FANCI: variants seen among roughly 807,000 people sequenced by gnomAD.
FANCI encodes the protein FA complementation group I, also known as Fanconi anemia group I protein.
Under a neutral mutation model 176.1 loss-of-function variants are expected in FANCI, and 156 were observed. The ratio of observed to expected loss-of-function variants is 0.89; its 90% CI spans 0.78 to 1.01. FANCI has a LOEUF of 1.01. Ranked by LOEUF, FANCI falls within the 50% of genes least tolerant of loss-of-function variation. The probability of loss-of-function intolerance (pLI) is 0.00; values close to 1 mark genes in which losing one functional copy is unlikely to be tolerated. For synonymous variants in FANCI, 613 were observed against 541.7 expected (o/e 1.13, Z -1.83); for missense variants, 1,678 against 1,534.1 (o/e 1.09, Z -1.57).
intron 24 of FANCI, among the ~76,000 whole-genome samples, chr15:89,297,398 G>T (rs2054340084): frequency 6.6e-6 from 1 of 151,328 alleles, no homozygotes; most frequent in Non-Finnish European, 1.5e-5. Flanking sequence ...ACTTTGGGAG[G>T]CCAAGGCAGG....
At chr15:89,253,599 A>G (rs1353127701) in intron 2 of FANCI, among the ~76,000 whole-genome samples, 1 of 152,152 alleles carries the variant, frequency 6.6e-6, no homozygotes, top group Admixed American at 6.5e-5. Flanking sequence ...CAGTGCAGTG[A>G]AAAGCTTTCT....
At chr15:89,313,973 T>TCTCACACACA (rs1491452047) in intron 35 of FANCI, among the ~76,000 whole-genome samples, 2 of 98,286 alleles carry the variant, frequency 2.0e-5, no homozygotes, top group African/African-American at 8.6e-5. Flanking sequence ...AGATATATAA[T>TCTCACACACA]CACACACACA....
intron 2 of FANCI, among the ~76,000 whole-genome samples, chr15:89,253,713 T>C (rs1334431273): frequency 7.2e-6 from 1 of 139,514 alleles, no homozygotes; most frequent in Admixed American, 7.7e-5. Context: ...AAAAGACAAA[T>C]GGCAAACTGG....
At chr15:89,276,993 G>A in intron 13 of FANCI, 102 bp downstream of exon 13, 1 of 1,182,538 alleles carries the variant, frequency 8.5e-7, no homozygotes, top group South Asian at 1.2e-5. Flanking sequence ...ATTTGAGTAT[G>A]TATTAGTTTG....
intron 24 of FANCI, among the ~76,000 whole-genome samples, chr15:89,298,892 G>A (rs10451019): frequency 0.49 from 74,023 of 152,012 alleles, 18,298 homozygotes; most frequent in African/African-American, 0.56. Flanking sequence ...CAACCTGGCC[G>A]GGCGTGGTAG....
chr15:89,311,351 A>G (rs1278978618), intron 34 of FANCI, among the ~76,000 whole-genome samples: 1 of 151,944 alleles, frequency 6.6e-6, no homozygotes, highest in African/African-American at 2.4e-5. Context: ...CCTGGGAGGC[A>G]GAGGTTGCAG....
At chr15:89,254,769 G>A (rs1343379202) in intron 2 of FANCI, among the ~76,000 whole-genome samples, 2 of 152,206 alleles carry the variant, frequency 1.3e-5, no homozygotes, top group Non-Finnish European at 2.9e-5. Flanking sequence ...CTATGACTGT[G>A]CCACTGCAGT....
At chr15:89,263,837 G>A in intron 7 of FANCI, 66 bp from the exon 8 acceptor site, 1 of 1,594,154 alleles carries the variant, frequency 6.3e-7, no homozygotes, top group Non-Finnish European at 8.6e-7. Flanking sequence ...GTAAAGCCCT[G>A]AATTGAATTT....
At chr15:89,301,780 C>T (rs2054533184) in intron 27 of FANCI, among the ~76,000 whole-genome samples, 1 of 152,170 alleles carries the variant, frequency 6.6e-6, no homozygotes, top group Non-Finnish European at 1.5e-5. Context: ...TTGGTGTTTA[C>T]TTCTTTTCTA....
At chr15:89,271,823 A>C (rs1218807285) in intron 10 of FANCI, among the ~76,000 whole-genome samples, 3 of 152,066 alleles carry the variant, frequency 2.0e-5, no homozygotes, top group Non-Finnish European at 4.4e-5. Context: ...CATTGTGTGG[A>C]TATATATGAG....
chr15:89,249,159 AG>A (rs776718418), intron 2 of FANCI, among the ~76,000 whole-genome samples: 1 of 152,204 alleles, frequency 6.6e-6, no homozygotes, highest in African/African-American at 2.4e-5. Flanking sequence ...TAAGCATGTC[AG>A]TAATATATGC....
intron 10 of FANCI, among the ~76,000 whole-genome samples, chr15:89,272,867 A>T (rs1385902270): frequency 1.3e-5 from 2 of 152,054 alleles, no homozygotes; most frequent in Non-Finnish European, 2.9e-5. Flanking sequence ...GGGTTTCACC[A>T]TGTTGGCCAG....
At chr15:89,248,040 A>G (rs2052068214) in intron 2 of FANCI, among the ~76,000 whole-genome samples, 1 of 152,234 alleles carries the variant, frequency 6.6e-6, no homozygotes. Flanking sequence ...ATCCTATTTG[A>G]TGATAATATC....
intron 14 of FANCI, 72 bp downstream of exon 14, chr15:89,278,846 T>C (rs1389791665): frequency 1.5e-6 from 2 of 1,319,776 alleles, no homozygotes; most frequent in Non-Finnish European, 2.2e-6. Context: ...CATTTGGTCC[T>C]GGGAAAAAAA....
chr15:89,303,862 A>T lies in FANCI; in HGVS notation c.3007-2A>T. 1 of 1,613,422 alleles carries T rather than the reference A, an allele frequency of 6.2e-7. No individual in the cohort carries two copies. Among genetic ancestry groups the T allele is most frequent in the South Asian group, 1.1e-5 (1 of 91,052 alleles). On this transcript the variant is annotated splice_acceptor_variant, in intron 27 of 37. Transcript: ENST00000310775. LOFTEE classifies it high-confidence loss of function. ...TTAATATCTGAATGATCTCTAATTT[A>T]GTTTGTGCAGATGTTATCCTGGACA...
In FANCI at chr15:89,264,796, T is replaced by C. The variant is rs1291340357; in HGVS notation, c.755+189T>C. The stretch of plus-strand genomic sequence containing the variant: ...CTCTTCAGCTCTTTCATTTTCACCT[T>C]TCCAGGAAAATAATTGTCCTATAAG... On this transcript the variant is annotated intron_variant, in intron 9 of 37. Coordinates refer to ENST00000310775, the MANE Select transcript of FANCI (RefSeq NM_001113378.2). 6 of 533,470 alleles carry C rather than the reference T, an allele frequency of 1.1e-5. No homozygotes were observed. The African/African-American group carries it at 1.2e-4, about 10-fold the overall frequency. 33.0% of individuals were successfully genotyped at this position (533,470 alleles called of 1,614,324 possible).
At position 89,274,213 on chromosome 15, in the gene FANCI, C is replaced by A. The variant is rs765192187; in HGVS notation, c.1021C>A (p.Leu341Ile). 1.9e-6 allele frequency: 3 copies of A among 1,603,970 alleles called. No homozygotes were observed. The African/African-American group carries it at 4.0e-5, about 21-fold the overall frequency. The change falls in exon 12 of 38, where the codon CTT (leucine) becomes ATT (isoleucine). Residue 341 changes from leucine to isoleucine, a missense_variant. Physicochemically the swap from Leu to Ile is conservative, Grantham distance 5. Coordinates refer to ENST00000310775, the MANE Select transcript of FANCI (RefSeq NM_001113378.2). ...TTCGGTTGTAAAGAGCTTTAAGGAT[C>A]TTCAACTCCTCCAAGGCTCAAAATT... ...KTSVVKSFKDLQLLQGSKFLQ... is the reference protein window; with the variant it reads ...KTSVVKSFKDIQLLQGSKFLQ...
intron 24 of FANCI, among the ~76,000 whole-genome samples, chr15:89,296,554 C>CT (rs2054282788): frequency 6.6e-6 from 1 of 152,182 alleles, no homozygotes; most frequent in South Asian, 2.1e-4. Context: ...AAGAATTTTT[C>CT]TTAGTACAGA....
chr15:89,269,622 A>T (rs184017938), intron 10 of FANCI, among the ~76,000 whole-genome samples: 25 of 152,284 alleles, frequency 1.6e-4, no homozygotes, highest in Non-Finnish European at 2.9e-4. Context: ...ATTTTCTTGC[A>T]AGGGCCAGAT....
Sources: gnomAD v4.1 joint callset for allele counts (sites outside exome capture counted in the v4.1 genomes callset) on GRCh38, gnomAD v4.1.1 for gene constraint, MANE v1.5 for transcripts, NCBI Gene and HGNC (gene_info 2026-07-23, HGNC 2026-07-21) for gene names.